The following FMN2 variants were observed in gnomAD, a reference collection of about 807,000 sequenced individuals.
FMN2 encodes formin 2.
A neutral mutation model predicts 142.3 loss-of-function variants in FMN2; 51 were observed. The observed-to-expected ratio is 0.36, with a 90% confidence interval of 0.29 to 0.45. The LOEUF (loss-of-function observed/expected upper bound fraction) is 0.45. Ranked by LOEUF, FMN2 falls within the 20% of genes least tolerant of loss-of-function variation. The pLI is 1.00. For missense variants in FMN2, 1,936 were observed against 2,122.8 expected (o/e 0.91, Z 1.73); for synonymous variants, 882 against 869.8 (o/e 1.01, Z -0.25).
chr1:240,386,673 G>T (rs527432003), intron 14 of FMN2, among the ~76,000 whole-genome samples: 2 of 152,318 alleles, frequency 1.3e-5, no homozygotes, highest in South Asian at 4.1e-4. Context: ...GAAAGTATTT[G>T]TGGAGGTAGA....
At chr1:240,135,358 T>A (rs1226436027) in intron 2 of FMN2, among the ~76,000 whole-genome samples, 1 of 152,232 alleles carries the variant, frequency 6.6e-6, no homozygotes, top group African/African-American at 2.4e-5. Flanking sequence ...CTGAGTTTTC[T>A]GTAAGGGATA....
At chr1:240,188,083 G>A in intron 3 of FMN2, 124 bp from the exon 4 acceptor site, 3 of 817,176 alleles carry the variant, frequency 3.7e-6, no homozygotes, top group Admixed American at 4.8e-5. Context: ...AATTGGAAGA[G>A]AGACTGGATA....
At chr1:240,175,878 T>A (rs1366142519) in intron 2 of FMN2, among the ~76,000 whole-genome samples, 1 of 152,188 alleles carries the variant, frequency 6.6e-6, no homozygotes, top group Non-Finnish European at 1.5e-5. Context: ...TTCAAGTCCT[T>A]TGCCCATTTT....
At chr1:240,298,570 C>T (rs1437957113) in intron 8 of FMN2, among the ~76,000 whole-genome samples, 1 of 152,324 alleles carries the variant, frequency 6.6e-6, no homozygotes, top group African/African-American at 2.4e-5. Context: ...GCAAGCATTA[C>T]TGCCTGAGCT....
intron 7 of FMN2, among the ~76,000 whole-genome samples, chr1:240,280,407 T>C (rs749308337): frequency 1.3e-5 from 2 of 152,154 alleles, no homozygotes; most frequent in African/African-American, 2.4e-5. Context: ...GCATAAGACA[T>C]TTTAGATTTC....
At chr1:240,371,903 A>G (rs1429333251) in intron 14 of FMN2, among the ~76,000 whole-genome samples, 1 of 152,182 alleles carries the variant, frequency 6.6e-6, no homozygotes, top group African/African-American at 2.4e-5. Context: ...TTGTGCATGA[A>G]TAAAATCTAA....
chr1:240,400,326 C>T (rs1673933144), intron 15 of FMN2, among the ~76,000 whole-genome samples: 1 of 152,162 alleles, frequency 6.6e-6, no homozygotes, highest in African/African-American at 2.4e-5. Context: ...CAGCAGGGAA[C>T]TCAGCGCAAC....
chr1:240,166,125 A>G (rs1222607265), intron 2 of FMN2, among the ~76,000 whole-genome samples: 2 of 149,636 alleles, frequency 1.3e-5, no homozygotes, highest in African/African-American at 2.4e-5. Context: ...TATGTGTTCC[A>G]TGTTTTTTAT....
At chr1:240,330,205 C>A (rs1378251470) in intron 10 of FMN2, among the ~76,000 whole-genome samples, 1 of 152,090 alleles carries the variant, frequency 6.6e-6, no homozygotes, top group Non-Finnish European at 1.5e-5. Context: ...TGGTATTGTT[C>A]CAGACGTAGG....
At chr1:240,318,397 CTTTTCT>C (rs1033358030) in intron 8 of FMN2, among the ~76,000 whole-genome samples, 7 of 152,026 alleles carry the variant, frequency 4.6e-5, no homozygotes, top group South Asian at 2.1e-4. Flanking sequence ...AGGAAACTGG[CTTTTCT>C]TTTTCTTTTT....
At chr1:240,206,773 C>G in intron 4 of FMN2, 26 bp from the exon 5 acceptor site, 1 of 1,581,220 alleles carries the variant, frequency 6.3e-7, no homozygotes, top group Non-Finnish European at 8.6e-7. Context: ...TCATAACTAA[C>G]TGTGTCTGTC....
intron 7 of FMN2, among the ~76,000 whole-genome samples, chr1:240,267,679 T>C (rs1261445468): frequency 1.3e-5 from 2 of 150,164 alleles, no homozygotes; most frequent in African/African-American, 2.4e-5. Context: ...AAACAACATA[T>C]AACAAAATGA....
intron 16 of FMN2, among the ~76,000 whole-genome samples, chr1:240,442,925 A>G (rs994877756): frequency 6.6e-6 from 1 of 152,242 alleles, no homozygotes; most frequent in Admixed American, 6.5e-5. Flanking sequence ...CTAATCTGTA[A>G]AAGAGAAATG....
At chr1:240,405,040 A>G (rs1674101135) in intron 15 of FMN2, among the ~76,000 whole-genome samples, 1 of 152,128 alleles carries the variant, frequency 6.6e-6, no homozygotes, top group Non-Finnish European at 1.5e-5. Flanking sequence ...ATTTAAAAAT[A>G]TTTGTTGGCC....
chr1:240,333,248 T>C (rs1280185704), intron 11 of FMN2, among the ~76,000 whole-genome samples: 1 of 152,066 alleles, frequency 6.6e-6, no homozygotes, highest in Non-Finnish European at 1.5e-5. Context: ...TATGAAACAA[T>C]TTTACCTTTT....
intron 15 of FMN2, among the ~76,000 whole-genome samples, chr1:240,422,961 C>G (rs1674821509): frequency 6.6e-6 from 1 of 152,052 alleles, no homozygotes. Flanking sequence ...GTTGAATTAC[C>G]TTTTTTTCTA....
chr1:240,467,167 A>G (rs1280012849), intron 16 of FMN2, among the ~76,000 whole-genome samples: 2 of 152,184 alleles, frequency 1.3e-5, no homozygotes, highest in African/African-American at 4.8e-5. Context: ...ACTGCCTTAC[A>G]TATCTCAGGA....
intron 2 of FMN2, among the ~76,000 whole-genome samples, chr1:240,149,341 C>T (rs1663666159): frequency 6.6e-6 from 1 of 152,130 alleles, no homozygotes; most frequent in South Asian, 2.1e-4. Context: ...GCCTTTATCA[C>T]CAAGTATTTG....
chr1:240,297,479 C>G (rs1288152094), intron 8 of FMN2, among the ~76,000 whole-genome samples: 1 of 151,180 alleles, frequency 6.6e-6, no homozygotes, highest in Non-Finnish European at 1.5e-5. Context: ...ACGTGTAATC[C>G]CAGCTACTCG....
Sources: allele counts gnomAD v4.1 joint callset (sites outside exome capture counted in the v4.1 genomes callset), GRCh38; gene constraint gnomAD v4.1.1; transcripts MANE v1.5; gene names NCBI Gene and HGNC (gene_info 2026-07-23, HGNC 2026-07-21).